SORCS3: variants seen among roughly 807,000 people sequenced by gnomAD.
SORCS3 encodes the protein VPS10 domain-containing receptor SorCS3.
SORCS3 carries 57 observed loss-of-function variants against 146.3 expected under a neutral mutation model. The observed-to-expected ratio is 0.39, with a 90% CI of 0.31 to 0.49. The LOEUF (loss-of-function observed/expected upper bound fraction) is 0.49, where lower values mean the gene tolerates loss of function less well. SORCS3 is among the 20% of genes least tolerant of loss of function. The pLI, the probability that SORCS3 is intolerant of heterozygous loss-of-function variation, is 0.92. For synonymous variants in SORCS3, 653 were observed against 618.5 expected (o/e 1.06, Z -0.83); for missense variants, 1,341 against 1,575.5 (o/e 0.85, Z 2.52).
At chr10:104,919,858 T>C (rs2019069795) in intron 3 of SORCS3, among the ~76,000 whole-genome samples, 1 of 152,194 alleles carries the variant, frequency 6.6e-6, no homozygotes, top group South Asian at 2.1e-4. Context: ...ACATTCTAAC[T>C]TTCTCGTAAC....
intron 3 of SORCS3, among the ~76,000 whole-genome samples, chr10:104,939,941 A>T (rs2019295340): frequency 6.6e-6 from 1 of 151,962 alleles, no homozygotes; most frequent in African/African-American, 2.4e-5. Flanking sequence ...AGGGGTCTGG[A>T]TCCAGACACC....
chr10:105,164,104 T>C (rs998498560), intron 11 of SORCS3, among the ~76,000 whole-genome samples, 199 bp from the exon 12 acceptor site: 54 of 152,244 alleles, frequency 3.5e-4, no homozygotes, highest in African/African-American at 1.2e-3. Flanking sequence ...GATGCATTTC[T>C]GTCATACTAT....
chr10:104,934,758 T>C (rs1026793319), intron 3 of SORCS3, among the ~76,000 whole-genome samples: 1 of 152,232 alleles, frequency 6.6e-6, no homozygotes, highest in Non-Finnish European at 1.5e-5. Context: ...TTTGGAATTA[T>C]AACCAAGTTA....
At chr10:104,793,689 AC>A in intron 1 of SORCS3, among the ~76,000 whole-genome samples, 1 of 152,226 alleles carries the variant, frequency 6.6e-6, no homozygotes, top group East Asian at 1.9e-4. Flanking sequence ...GGACAGTGAC[AC>A]AGACAGAGCA....
At chr10:104,648,350 C>A (rs191843204) in intron 1 of SORCS3, among the ~76,000 whole-genome samples, 1 of 152,228 alleles carries the variant, frequency 6.6e-6, no homozygotes, top group African/African-American at 2.4e-5. Flanking sequence ...CTCTTCACAC[C>A]CATTTTTCTC....
chr10:104,655,699 C>G (rs1478198915), intron 1 of SORCS3, among the ~76,000 whole-genome samples: 1 of 152,108 alleles, frequency 6.6e-6, no homozygotes, highest in Non-Finnish European at 1.5e-5. Context: ...TAGCACCATC[C>G]TCTTGGTACT....
At chr10:105,191,159 A>T (rs1488331536) in intron 14 of SORCS3, among the ~76,000 whole-genome samples, 1 of 152,230 alleles carries the variant, frequency 6.6e-6, no homozygotes, top group Non-Finnish European at 1.5e-5. Context: ...AAGTTCTAAG[A>T]AGTTAAAATC....
chr10:104,811,220 A>G (rs2017737101), intron 1 of SORCS3, among the ~76,000 whole-genome samples: 1 of 152,252 alleles, frequency 6.6e-6, no homozygotes, highest in South Asian at 2.1e-4. Flanking sequence ...CTGGCAATAC[A>G]AAGATGAAAA....
chr10:104,661,991 T>A (rs1324602226), intron 1 of SORCS3, among the ~76,000 whole-genome samples: 2 of 152,228 alleles, frequency 1.3e-5, no homozygotes, highest in Non-Finnish European at 2.9e-5. Context: ...TTGTGTCAGT[T>A]CATTTTTCCC....
intron 1 of SORCS3, among the ~76,000 whole-genome samples, chr10:104,835,881 T>G (rs1404018828): frequency 1.3e-5 from 2 of 152,214 alleles, no homozygotes; most frequent in East Asian, 3.9e-4. Flanking sequence ...CTGGCATCCC[T>G]TATTTGATTT....
At position 104,671,325 on chromosome 10, in the gene SORCS3, C is replaced by CTTTTTTT. The variant is rs771029154; in HGVS notation, c.627+29392_627+29398dup. Among the ~76,000 whole-genome samples the CTTTTTTT allele has an allele frequency of 5.4e-3, 104 of 19,204 alleles. 39 individuals carry two copies. Among genetic ancestry groups the CTTTTTTT allele is most frequent in the East Asian group, 0.013 (6 of 446 alleles). 12.6% of individuals were successfully genotyped at this position (19,204 alleles called of 152,430 possible). A position where few individuals can be genotyped will look rare whatever the true frequency, so the allele number is the denominator to read the frequency against. ...ATGTTAAGGTAGTTTCATTCTTTTC[C>CTTTTTTT]TTTTTTTTTTTTTTTTTTTTTTTTT... On this transcript the variant is annotated intron_variant, in intron 1 of 26. Transcript: ENST00000369701.
chr10:105,164,466 A>G, intron 12 of SORCS3, 87 bp downstream of exon 12: 1 of 991,052 alleles, frequency 1.0e-6, no homozygotes. Flanking sequence ...TCTCAGCCTC[A>G]TTATGACTTT....
At chr10:104,883,735 G>A (rs2018652814) in intron 2 of SORCS3, among the ~76,000 whole-genome samples, 1 of 152,056 alleles carries the variant, frequency 6.6e-6, no homozygotes, top group African/African-American at 2.4e-5. Flanking sequence ...TTTTCATTTG[G>A]AGCCTCTTAA....
At chr10:105,087,952 G>T (rs1396111188) in intron 5 of SORCS3, among the ~76,000 whole-genome samples, 1 of 152,168 alleles carries the variant, frequency 6.6e-6, no homozygotes, top group Admixed American at 6.5e-5. Flanking sequence ...TACCTCCCAG[G>T]GCTGTCATTA....
chr10:104,690,264 G>T (rs547614689), intron 1 of SORCS3, among the ~76,000 whole-genome samples: 4 of 152,198 alleles, frequency 2.6e-5, no homozygotes, highest in Non-Finnish European at 5.9e-5. Context: ...CAAGGTGGGG[G>T]TGTGGGATGT....
At chr10:104,647,370 A>C (rs1347442735) in intron 1 of SORCS3, among the ~76,000 whole-genome samples, 1 of 152,204 alleles carries the variant, frequency 6.6e-6, no homozygotes, top group Non-Finnish European at 1.5e-5. Context: ...TTCAACATTC[A>C]GACTCAGTGG....
chr10:104,781,766 A>G (rs113316302), intron 1 of SORCS3, among the ~76,000 whole-genome samples: 24,012 of 152,278 alleles, frequency 0.16, 2,363 homozygotes, highest in Middle Eastern at 0.29. Context: ...AGGTGCCCCC[A>G]TATCCTGCTG....
chr10:105,113,235 C>T (rs1164927756), intron 7 of SORCS3, among the ~76,000 whole-genome samples: 1 of 152,168 alleles, frequency 6.6e-6, no homozygotes, highest in Non-Finnish European at 1.5e-5. Context: ...GTGTGGACAG[C>T]TGAACCGTGT....
chr10:105,067,352 C>G (rs953328857), intron 5 of SORCS3, among the ~76,000 whole-genome samples: 1 of 152,174 alleles, frequency 6.6e-6, no homozygotes, highest in African/African-American at 2.4e-5. Context: ...TATGGTGAAA[C>G]CCCATGTCTA....
Sources: gnomAD v4.1 joint callset for allele counts (sites outside exome capture counted in the v4.1 genomes callset) on GRCh38, gnomAD v4.1.1 for gene constraint, MANE v1.5 for transcripts, NCBI Gene and HGNC (gene_info 2026-07-23, HGNC 2026-07-21) for gene names.